The following ZFHX4 variants were observed in gnomAD, a reference collection of about 807,000 sequenced individuals.
The protein encoded by ZFHX4 is zinc finger homeobox protein 4.
In ZFHX4, 56 loss-of-function variants were observed where a neutral mutation model predicts 267.6. The ratio of observed to expected loss-of-function variants is 0.21; its 90% confidence interval spans 0.17 to 0.26. The LOEUF (loss-of-function observed/expected upper bound fraction) is 0.26, where lower values mean the gene tolerates loss of function less well. ZFHX4 is among the 10% of genes least tolerant of loss of function. The probability of loss-of-function intolerance (pLI) is 1.00; values close to 1 mark genes in which losing one functional copy is unlikely to be tolerated. For missense variants in ZFHX4, 4,332 were observed against 4,420.0 expected (o/e 0.98, Z 0.56); for synonymous variants, 1,778 against 1,665.6 (o/e 1.07, Z -1.64).
chr8:76,683,267 ACACT>A (rs1324287738), intron 1 of ZFHX4: 2 of 146,704 alleles, frequency 1.4e-5, no homozygotes, highest in African/African-American at 5.1e-5. Context: ...ACACAGAGAC[ACACT>A]CACACTCAAC....
chr8:76,811,639 T>C (rs1201101792), intron 4 of ZFHX4, among the ~76,000 whole-genome samples: 1 of 152,156 alleles, frequency 6.6e-6, no homozygotes, highest in Non-Finnish European at 1.5e-5. Flanking sequence ...GTGTATGCTG[T>C]CATTGCCCTG....
At chr8:76,802,487 C>A (rs1811140519) in intron 4 of ZFHX4, among the ~76,000 whole-genome samples, 4 of 152,132 alleles carry the variant, frequency 2.6e-5, no homozygotes, top group Admixed American at 2.0e-4. Flanking sequence ...CTTCTGCAAG[C>A]AAGTGGTTTT....
intron 6 of ZFHX4, among the ~76,000 whole-genome samples, chr8:76,847,929 C>A (rs183790847): frequency 2.0e-5 from 3 of 152,204 alleles, no homozygotes; most frequent in Non-Finnish European, 4.4e-5. Flanking sequence ...TACGTGGGGT[C>A]TGATAGCAAT....
At chr8:76,782,839 G>T (rs1295024871) in intron 4 of ZFHX4, among the ~76,000 whole-genome samples, 1 of 151,952 alleles carries the variant, frequency 6.6e-6, no homozygotes, top group African/African-American at 2.4e-5. Flanking sequence ...GTTTTTCATT[G>T]CTTGTTAAAA....
chr8:76,778,673 A>C (rs908732086), intron 4 of ZFHX4, among the ~76,000 whole-genome samples: 1 of 152,200 alleles, frequency 6.6e-6, no homozygotes, highest in African/African-American at 2.4e-5. Context: ...TTTAGCAGGC[A>C]TGCAGGAGGT....
chr8:76,835,245 A>ATATATATGTG (rs1554572200), intron 5 of ZFHX4, among the ~76,000 whole-genome samples: 4 of 129,178 alleles, frequency 3.1e-5, no homozygotes, highest in African/African-American at 1.2e-4. Flanking sequence ...ATATATGTAT[A>ATATATATGTG]TATATATATA....
intron 3 of ZFHX4, among the ~76,000 whole-genome samples, chr8:76,709,472 TCTA>T (rs1224138147): frequency 6.6e-6 from 1 of 152,144 alleles, no homozygotes; most frequent in African/African-American, 2.4e-5. Context: ...TGTTCAATTG[TCTA>T]CTTTTTTCTG....
chr8:76,744,216 C>T (rs1026600141), intron 3 of ZFHX4, among the ~76,000 whole-genome samples: 5 of 151,976 alleles, frequency 3.3e-5, no homozygotes, highest in African/African-American at 1.2e-4. Context: ...TGTGGTGGTG[C>T]GTGCTTGTAG....
rs189920042 is a variant in ZFHX4 at position 76,718,473 on chromosome 8, T to G, written c.3093+10425T>G. ...TAGGTAATTTAAAAAACCCGCACAT[T>G]TGGATGGAATAGAAGTACCAAATTT... On this transcript the variant is annotated intron_variant, in intron 3 of 10. Coordinates refer to ENST00000651372, the MANE Select transcript of ZFHX4 (RefSeq NM_024721.5). Among the ~76,000 whole-genome samples the G allele has an allele frequency of 4.6e-5, 7 of 152,204 alleles. No individual in the cohort carries two copies. In the East Asian group the frequency reaches 1.4e-3, roughly 29 times the overall value.
chr8:76,681,702 C>A (rs545962302), intron 1 of ZFHX4, 82 bp downstream of exon 1: 2 of 372,544 alleles, frequency 5.4e-6, no homozygotes, highest in Non-Finnish European at 9.5e-6. Context: ...CCTGATCTTG[C>A]ACAATCTTTG....
rs142563370 is a variant in ZFHX4 at position 76,863,506 on chromosome 8, A to T, written c.9792A>T (p.Pro3264=). The T allele has an allele frequency of 6.2e-7, 1 of 1,613,404 alleles. No homozygotes were observed. The highest frequency in any genetic ancestry group is 1.7e-5 in the Admixed American group (1 of 59,934). ...PASFIGGQFL[P]YFIPGFASYF... ...CCTTTATAGGCGGACAGTTCTTGCC[A>T]TACTTTATCCCTGGGTTTGCTTCTT... is the stretch of plus-strand genomic sequence containing the variant. The change falls in exon 11 of 11, where the codon CCA becomes CCT. Residue 3264 remains proline (P), a synonymous_variant. Coordinates refer to ENST00000651372, the MANE Select transcript of ZFHX4 (RefSeq NM_024721.5).
chr8:76,736,913 A>T (rs919504388), intron 3 of ZFHX4, among the ~76,000 whole-genome samples: 11 of 152,132 alleles, frequency 7.2e-5, no homozygotes, highest in Non-Finnish European at 1.5e-4. Context: ...GTCATCACAG[A>T]TAAAAGGAAC....
At chr8:76,775,423 C>T (rs1810377025) in intron 3 of ZFHX4, among the ~76,000 whole-genome samples, 1 of 152,146 alleles carries the variant, frequency 6.6e-6, no homozygotes, top group Non-Finnish European at 1.5e-5. Flanking sequence ...ACAAAGATAG[C>T]AGTAATTAAT....
At position 76,864,840 on chromosome 8, in the gene ZFHX4, CA is replaced by C; in HGVS notation, c.*280del. On this transcript the variant is annotated 3_prime_UTR_variant, in exon 11 of 11. Transcript: ENST00000651372. Reference sequence around the variant, plus strand: ...AGTTCTTTTGGAACTTGTTTCAAGCCAAAAACTCTCAAGAAAGCAAATTGCA... The same window carrying C: ...AGTTCTTTTGGAACTTGTTTCAAGCCAAAACTCTCAAGAAAGCAAATTGCA... 4.3e-6 allele frequency: 1 copy of C among 230,132 alleles called. No homozygotes were observed. The highest frequency in any genetic ancestry group is 8.4e-6 in the Non-Finnish European group (1 of 118,716). The allele number at this position is 230,132 out of a possible 1,614,324, so 14.3% of individuals were successfully genotyped here.
At chr8:76,807,574 G>T (rs910244636) in intron 4 of ZFHX4, among the ~76,000 whole-genome samples, 4 of 152,028 alleles carry the variant, frequency 2.6e-5, no homozygotes, top group Non-Finnish European at 5.9e-5. Context: ...AGGTAGTATA[G>T]GCTGGGGACA....
intron 5 of ZFHX4, among the ~76,000 whole-genome samples, chr8:76,842,009 C>A (rs2131914205): frequency 6.6e-6 from 1 of 152,210 alleles, no homozygotes; most frequent in South Asian, 2.1e-4. Context: ...ATGAGGATTT[C>A]CATGTAATCT....
chr8:76,851,653 A>G lies in ZFHX4; in HGVS notation c.4732A>G (p.Ser1578Gly), dbSNP rs1318142126. Reference sequence around the variant, plus strand: ...GAAAAAAGTTTTGCAGGAAGCCTCCAGTCCTGTCCCACAAGAAACCAACAG... The same window carrying G: ...GAAAAAAGTTTTGCAGGAAGCCTCCGGTCCTGTCCCACAAGAAACCAACAG... ...KLKKVLQEAS[S>G]PVPQETNSNT... is the part of the protein sequence containing the mutation. The change falls in exon 10 of 11, where the codon AGT becomes GGT. Residue 1578 changes from serine to glycine, a missense_variant. Ser to Gly is a moderately conservative substitution (Grantham distance 56). Around this residue, in one of 7 missense-constraint regions of ZFHX4, gnomAD observed 1,371 missense variants for 1,423.1 expected, o/e 0.96. Coordinates refer to ENST00000651372, the MANE Select transcript of ZFHX4 (RefSeq NM_024721.5). 7 of 1,613,820 alleles carry G rather than the reference A, an allele frequency of 4.3e-6. No homozygotes were observed. The highest frequency in any genetic ancestry group is 2.2e-5 in the South Asian group (2 of 91,090).
In ZFHX4 at chr8:76,850,948, G is replaced by A. The variant is rs112841563; in HGVS notation, c.4027G>A (p.Val1343Ile). 1,415 of 1,613,420 alleles carry A rather than the reference G, an allele frequency of 8.8e-4. 12 individuals are homozygous for A. The African/African-American group carries it at 0.017, about 20-fold the overall frequency. ...CGAGGATTCAAAGGCTAATGTGGAA[G>A]TAAAGAATGAGGAGCAGAAACCGAC... ...GLEDSKANVE[V>I]KNEEQKPTKE... The change falls in exon 10 of 11, where the codon GTA (valine) becomes ATA (isoleucine). Residue 1343 changes from valine to isoleucine, a missense_variant. This residue lies in a region of ZFHX4 where 1,371 missense variants were observed against 1,423.1 expected (regional missense o/e 0.96). Transcript: ENST00000651372.
rs182903670 is a variant in ZFHX4 at position 76,714,893 on chromosome 8, T to C, written c.3093+6845T>C. Reference sequence around the variant, plus strand: ...CGGGGACATTAAAGTTGTTCAGAGTTAAATCTATGGACGTAGTCATCAAGA... The same window carrying C: ...CGGGGACATTAAAGTTGTTCAGAGTCAAATCTATGGACGTAGTCATCAAGA... On this transcript the variant is annotated intron_variant, in intron 3 of 10. Transcript: ENST00000651372. 5.3e-5 allele frequency among the ~76,000 whole-genome samples: 8 copies of C among 152,322 alleles called. No individual in the cohort carries two copies. The East Asian group carries it at 1.4e-3, about 26-fold the overall frequency.
Sources: allele counts gnomAD v4.1 joint callset (sites outside exome capture counted in the v4.1 genomes callset), GRCh38; gene constraint gnomAD v4.1.1; regional missense constraint gnomAD v4.1.1; transcripts MANE v1.5; gene names NCBI Gene and HGNC (gene_info 2026-07-23, HGNC 2026-07-21).